The following PDZRN3 variants were observed in gnomAD, a reference collection of about 807,000 sequenced individuals.
PDZRN3 encodes E3 ubiquitin-protein ligase PDZRN3.
Under a neutral mutation model 85.7 loss-of-function variants are expected in PDZRN3, and 38 were observed. The observed-to-expected ratio is 0.44, with a 90% confidence interval of 0.34 to 0.58. The LOEUF (loss-of-function observed/expected upper bound fraction) is 0.58, where lower values mean the gene tolerates loss of function less well. Ranked by LOEUF, PDZRN3 falls within the 20% of genes least tolerant of loss-of-function variation. The pLI, the probability that PDZRN3 is intolerant of heterozygous loss-of-function variation, is 0.01. For missense variants in PDZRN3, 1,629 were observed against 1,506.4 expected (o/e 1.08, Z -1.35); for synonymous variants, 759 against 638.0 (o/e 1.19, Z -2.86).
At chr3:73,478,697 T>C (rs545526231) in intron 3 of PDZRN3, among the ~76,000 whole-genome samples, 46 of 152,236 alleles carry the variant, frequency 3.0e-4, no homozygotes, top group African/African-American at 9.4e-4. Flanking sequence ...GCCAAGAAGG[T>C]TGGGGACCAC....
intron 3 of PDZRN3, among the ~76,000 whole-genome samples, chr3:73,459,993 AT>A (rs1428923454): frequency 6.6e-6 from 1 of 152,182 alleles, no homozygotes; most frequent in East Asian, 1.9e-4. Context: ...GTAGATGACA[AT>A]GTTTGTGGAA....
At chr3:73,485,331 ATAATAT>A in intron 3 of PDZRN3, among the ~76,000 whole-genome samples, 1 of 149,538 alleles carries the variant, frequency 6.7e-6, no homozygotes, top group East Asian at 1.9e-4. Context: ...ATTAATATTT[ATAATAT>A]TAATATTTTA....
chr3:73,383,755 G>A lies in PDZRN3; in HGVS notation c.2811C>T (p.Pro937=), dbSNP rs753952056. 6.2e-6 allele frequency: 10 copies of A among 1,612,546 alleles called. No individual in the cohort carries two copies. The highest frequency in any genetic ancestry group is 2.7e-5 in the African/African-American group (2 of 74,934). The stretch of plus-strand genomic sequence containing the variant: ...GCTCCCGCAGCAGGCGGTCCCGCAC[G>A]GGCCTCTTGGTGATGTAGCGCGTCC... The part of the protein sequence containing the change: ...SDGTRYITKR[P]VRDRLLRERA... Residue 937 remains proline (P), a synonymous_variant, in exon 10 of 10, where the codon CCC becomes CCT. Transcript: ENST00000263666.
chr3:73,456,153 G>A (rs1040327784), intron 3 of PDZRN3, among the ~76,000 whole-genome samples: 1 of 151,962 alleles, frequency 6.6e-6, no homozygotes, highest in South Asian at 2.1e-4. Context: ...ACGTATAAAT[G>A]TTGACGTCTT....
intron 3 of PDZRN3, among the ~76,000 whole-genome samples, chr3:73,531,354 C>T (rs752678006): frequency 5.3e-5 from 8 of 152,074 alleles, no homozygotes; most frequent in Admixed American, 1.3e-4. Flanking sequence ...TGCCTTTCTC[C>T]CTGGCTTCTC....
intron 1 of PDZRN3, among the ~76,000 whole-genome samples, chr3:73,615,158 C>T (rs530368988): frequency 2.0e-5 from 3 of 152,200 alleles, no homozygotes; most frequent in South Asian, 4.1e-4. Context: ...CTAAGCCAAA[C>T]GAGATATTTT....
chr3:73,432,248 A>G lies in PDZRN3; in HGVS notation c.919-27853T>C, dbSNP rs1275437594. Among the ~76,000 whole-genome samples the G allele has an allele frequency of 3.9e-5, 6 of 152,250 alleles. No individual in the cohort carries two copies. The South Asian group carries it at 8.3e-4, about 21-fold the overall frequency. ...GGCAAACTGAGGACTACACCTCACCACATGATCACACAAGGGATGGGGGCC... is the reference window on the plus strand; with the variant it reads ...GGCAAACTGAGGACTACACCTCACCGCATGATCACACAAGGGATGGGGGCC... On this transcript the variant is annotated intron_variant, in intron 3 of 9. Transcript: ENST00000263666.
intron 3 of PDZRN3, among the ~76,000 whole-genome samples, chr3:73,555,623 T>C (rs910892110): frequency 6.6e-6 from 1 of 152,198 alleles, no homozygotes; most frequent in African/African-American, 2.4e-5. Context: ...ATCAACGGCA[T>C]GTGTACCAAG....
At chr3:73,599,071 G>T (rs1205510505) in intron 3 of PDZRN3, among the ~76,000 whole-genome samples, 1 of 152,172 alleles carries the variant, frequency 6.6e-6, no homozygotes, top group Non-Finnish European at 1.5e-5. Flanking sequence ...ATAATTACCT[G>T]AGCATAGACC....
chr3:73,419,376 T>G (rs4054221), intron 3 of PDZRN3, among the ~76,000 whole-genome samples: 102,141 of 151,962 alleles, frequency 0.67, 34,596 homozygotes, highest in East Asian at 0.86. Flanking sequence ...AGTGTAGTTA[T>G]CAAGTGTGCC....
intron 3 of PDZRN3, among the ~76,000 whole-genome samples, chr3:73,475,597 T>C (rs1054641723): frequency 1.3e-5 from 2 of 152,204 alleles, no homozygotes; most frequent in African/African-American, 4.8e-5. Context: ...AAAATCCATT[T>C]AAGGGAATAC....
chr3:73,388,074 T>TA lies in PDZRN3; in HGVS notation c.1417-6dup, dbSNP rs3830251. On this transcript the variant is annotated splice_region_variant and splice_polypyrimidine_tract_variant and intron_variant, in intron 7 of 9. Coordinates refer to ENST00000263666, the MANE Select transcript of PDZRN3 (RefSeq NM_015009.3). Reference sequence around the variant, plus strand: ...CTGCACCTCTATCCCATTAATCTTTTAAAAAAAAAGGGGGGGTGGGGAGAG... The same window carrying TA: ...CTGCACCTCTATCCCATTAATCTTTTAAAAAAAAAAGGGGGGGTGGGGAGAG... The TA allele has an allele frequency of 0.59, 446,455 of 750,978 alleles. 119,457 individuals carry two copies. The highest frequency in any genetic ancestry group is 0.8 in the East Asian group (23,214 of 29,170). 46.5% of individuals were successfully genotyped at this position (750,978 alleles called of 1,614,324 possible).
At chr3:73,466,457 G>T (rs9857164) in intron 3 of PDZRN3, among the ~76,000 whole-genome samples, 1 of 152,160 alleles carries the variant, frequency 6.6e-6, no homozygotes, top group South Asian at 2.1e-4. Flanking sequence ...GTGATGAAAT[G>T]ATGGTAAAAA....
At chr3:73,416,876 G>GTTTTTTTTTTTTTTTTTTTTTTTTT (rs146381615) in intron 3 of PDZRN3, among the ~76,000 whole-genome samples, 6 of 110,404 alleles carry the variant, frequency 5.4e-5, no homozygotes, top group Non-Finnish European at 7.3e-5. Context: ...TTTTTTTTTG[G>GTTTTTTTTTTTTTTTTTTTTTTTTT]TTTTTTTTTT....
At chr3:73,522,808 T>C (rs1409271779) in intron 3 of PDZRN3, among the ~76,000 whole-genome samples, 2 of 152,224 alleles carry the variant, frequency 1.3e-5, no homozygotes, top group East Asian at 1.9e-4. Flanking sequence ...TCTTCAATAG[T>C]TGTACCTAAT....
chr3:73,624,656 C>A lies in PDZRN3; in HGVS notation c.170G>T (p.Arg57Leu). The change falls in exon 1 of 10, where the codon CGC becomes CTC. Residue 57 changes from arginine to leucine, a missense_variant. Physicochemically the swap from Arg to Leu is moderately radical, Grantham distance 102. Transcript: ENST00000263666. Reference protein sequence around the residue: ...VQEGSCPARCRGRLSAKELNH... With the variant: ...VQEGSCPARCLGRLSAKELNH... ...GAGCTCTTTGGCCGACAGGCGACCG[C>A]GGCAGCGCGCCGGGCAGCTGCCCTC... 1 of 1,530,734 alleles carries A rather than the reference C, an allele frequency of 6.5e-7. No homozygotes were observed. Among genetic ancestry groups the A allele is most frequent in the East Asian group, 2.7e-5 (1 of 36,878 alleles). The allele number at this position is 1,530,734 out of a possible 1,614,324, so 94.8% of individuals were successfully genotyped here.
intron 5 of PDZRN3, among the ~76,000 whole-genome samples, chr3:73,396,158 G>A (rs939354666): frequency 7.9e-5 from 12 of 152,060 alleles, no homozygotes; most frequent in African/African-American, 2.7e-4. Flanking sequence ...AGGCGGCTGC[G>A]GTGAGCCAAG....
intron 1 of PDZRN3, chr3:73,623,527 A>G (rs6549555): frequency 0.57 from 87,194 of 152,124 alleles, 25,410 homozygotes; most frequent in East Asian, 0.7. Flanking sequence ...TCAGCCAGCT[A>G]GTTGGCTGCA....
chr3:73,578,485 G>C (rs1374251659), intron 3 of PDZRN3, among the ~76,000 whole-genome samples: 1 of 152,038 alleles, frequency 6.6e-6, no homozygotes, highest in Non-Finnish European at 1.5e-5. Flanking sequence ...TTCTTTCAAG[G>C]TACCTTTAGT....
Sources: gnomAD v4.1 joint callset for allele counts (sites outside exome capture counted in the v4.1 genomes callset) on GRCh38, gnomAD v4.1.1 for gene constraint, MANE v1.5 for transcripts, NCBI Gene and HGNC (gene_info 2026-07-23, HGNC 2026-07-21) for gene names.